Variants in RAP1GDS1 observed in about 807,000 individuals in gnomAD.
RAP1GDS1 encodes RAP1, GTP-GDP dissociation stimulator 1.
A neutral mutation model predicts 71.1 loss-of-function variants in RAP1GDS1; 35 were observed. That is an observed-to-expected ratio of 0.49 (90% CI 0.38 to 0.65). The LOEUF is 0.65. Among genes scored for constraint, RAP1GDS1 ranks in the 30% least tolerant of loss-of-function variants. The pLI, the probability that RAP1GDS1 is intolerant of heterozygous loss-of-function variation, is 0.00. For synonymous variants in RAP1GDS1, 229 were observed against 243.1 expected, an observed-to-expected ratio of 0.94 and a Z score of 0.54; for missense variants, 663 against 706.1, an observed-to-expected ratio of 0.94 and a Z score of 0.69.
intron 1 of RAP1GDS1, among the ~76,000 whole-genome samples, chr4:98,292,857 A>T (rs1043720053): frequency 7.2e-5 from 11 of 152,190 alleles, no homozygotes; most frequent in African/African-American, 2.7e-4. Flanking sequence ...GGAAGAAAGC[A>T]TAGCTTTATA....
chr4:98,435,940 G>A (rs1205492939), intron 13 of RAP1GDS1, among the ~76,000 whole-genome samples: 4 of 151,284 alleles, frequency 2.6e-5, no homozygotes, highest in Admixed American at 1.3e-4. Flanking sequence ...GAGCGGTGGC[G>A]GGCTCCTGTA....
chr4:98,443,015 A>AT lies in RAP1GDS1; in HGVS notation c.*921dup, dbSNP rs397994660. ...TGAGTATAGTTCATTGAAGAATGGA[A>AT]TTTTTTTTTTTTTTTTTTTTTTTGC... On this transcript the variant is annotated 3_prime_UTR_variant, in exon 15 of 15. Transcript: ENST00000408927. 0.21 allele frequency: 29,251 copies of AT among 136,876 alleles called. 2,514 individuals are homozygous for AT. Among genetic ancestry groups the AT allele is most frequent in the African/African-American group, 0.28 (7,132 of 25,110 alleles). 8.5% of individuals were successfully genotyped at this position (136,876 alleles called of 1,614,324 possible). A position where few individuals can be genotyped will look rare whatever the true frequency, so the allele number is the denominator to read the frequency against.
intron 6 of RAP1GDS1, among the ~76,000 whole-genome samples, chr4:98,401,647 T>G (rs556744231): frequency 6.6e-6 from 1 of 152,238 alleles, no homozygotes; most frequent in African/African-American, 2.4e-5. Flanking sequence ...TAAATGAGGC[T>G]TCTTGCCAAA....
At chr4:98,358,985 C>T (rs957013432) in intron 4 of RAP1GDS1, among the ~76,000 whole-genome samples, 1 of 151,896 alleles carries the variant, frequency 6.6e-6, no homozygotes, top group African/African-American at 2.4e-5. Flanking sequence ...ATATTCTCTT[C>T]CCTATGGGAA....
At chr4:98,433,149 G>A (rs948692792) in intron 12 of RAP1GDS1, among the ~76,000 whole-genome samples, 3 of 152,128 alleles carry the variant, frequency 2.0e-5, no homozygotes, top group Non-Finnish European at 4.4e-5. Context: ...AGAATTTTAA[G>A]TTCTGCTCAG....
chr4:98,355,007 A>G (rs1006028703), intron 4 of RAP1GDS1, among the ~76,000 whole-genome samples: 1 of 152,146 alleles, frequency 6.6e-6, no homozygotes, highest in Non-Finnish European at 1.5e-5. Flanking sequence ...AATTCTGTCA[A>G]CTTCTTTGTG....
chr4:98,402,048 A>G (rs10032785), intron 6 of RAP1GDS1, among the ~76,000 whole-genome samples: 8,645 of 152,146 alleles, frequency 0.057, 627 homozygotes, highest in African/African-American at 0.17. Flanking sequence ...AGTTCCAGGG[A>G]TAAATCATCT....
chr4:98,355,619 T>C (rs558005094), intron 4 of RAP1GDS1, among the ~76,000 whole-genome samples: 3 of 152,318 alleles, frequency 2.0e-5, no homozygotes, highest in Middle Eastern at 6.8e-3. Context: ...ACATGAAAAG[T>C]AAAGCATTTG....
chr4:98,264,349 TC>T (rs1167125158), intron 1 of RAP1GDS1, among the ~76,000 whole-genome samples: 1 of 152,072 alleles, frequency 6.6e-6, no homozygotes, highest in Non-Finnish European at 1.5e-5. Flanking sequence ...TGAGCCGAGA[TC>T]ATGCCATTGC....
chr4:98,270,789 A>C (rs1328463440), intron 1 of RAP1GDS1, among the ~76,000 whole-genome samples: 1 of 150,914 alleles, frequency 6.6e-6, no homozygotes, highest in Non-Finnish European at 1.5e-5. Context: ...TACCTCCTCC[A>C]CCTCTGCCAC....
chr4:98,318,480 C>T (rs967584655), intron 2 of RAP1GDS1, among the ~76,000 whole-genome samples: 4 of 152,176 alleles, frequency 2.6e-5, no homozygotes, highest in Admixed American at 2.6e-4. Flanking sequence ...TGTGTACTCG[C>T]TCTCCTCCCC....
At chr4:98,394,273 G>A (rs1169955311) in intron 6 of RAP1GDS1, among the ~76,000 whole-genome samples, 1 of 152,116 alleles carries the variant, frequency 6.6e-6, no homozygotes, top group Non-Finnish European at 1.5e-5. Flanking sequence ...CCTCATGAGA[G>A]GAGAGTTGTT....
intron 14 of RAP1GDS1, chr4:98,441,771 A>T (rs911432300): frequency 9.0e-6 from 5 of 557,438 alleles, no homozygotes; most frequent in African/African-American, 2.1e-5. Context: ...CATCTTTAAA[A>T]TTTTTTCCTT....
intron 1 of RAP1GDS1, among the ~76,000 whole-genome samples, chr4:98,277,762 T>C (rs1171012959): frequency 6.6e-6 from 1 of 152,176 alleles, no homozygotes; most frequent in Non-Finnish European, 1.5e-5. Flanking sequence ...TCACTACAGA[T>C]TTAGGTCATG....
chr4:98,414,218 A>T (rs1362003536), intron 7 of RAP1GDS1, among the ~76,000 whole-genome samples: 3 of 141,564 alleles, frequency 2.1e-5, no homozygotes, highest in Admixed American at 2.1e-4. Flanking sequence ...TCTTTAGTTT[A>T]ATTAGATCCC....
chr4:98,421,624 G>T (rs532624381), intron 12 of RAP1GDS1, among the ~76,000 whole-genome samples: 1 of 152,114 alleles, frequency 6.6e-6, no homozygotes, highest in Non-Finnish European at 1.5e-5. Context: ...TACCACCACC[G>T]TTATCAGCAT....
intron 1 of RAP1GDS1, among the ~76,000 whole-genome samples, chr4:98,276,273 T>C (rs1482585329): frequency 2.0e-5 from 3 of 152,164 alleles, no homozygotes; most frequent in Admixed American, 1.3e-4. Flanking sequence ...TACCACCTAA[T>C]ATCATCCACA....
chr4:98,401,031 T>TCCCTTGTTTTG (rs1745333365), intron 6 of RAP1GDS1, among the ~76,000 whole-genome samples: 1 of 152,154 alleles, frequency 6.6e-6, no homozygotes, highest in African/African-American at 2.4e-5. Context: ...GGGATTTAAA[T>TCCCTTGTTTTG]GAAGAAAAAC....
chr4:98,286,264 CAAAA>C (rs752872418), intron 1 of RAP1GDS1, among the ~76,000 whole-genome samples: 2 of 102,782 alleles, frequency 1.9e-5, no homozygotes. Flanking sequence ...GACCCTGTCT[CAAAA>C]AAAAAAAAAA....
Sources: gnomAD v4.1 joint callset for allele counts (sites outside exome capture counted in the v4.1 genomes callset) on GRCh38, gnomAD v4.1.1 for gene constraint, MANE v1.5 for transcripts, NCBI Gene and HGNC (gene_info 2026-07-23, HGNC 2026-07-21) for gene names.